The following A2M variants were observed in gnomAD, a reference collection of about 807,000 sequenced individuals.
The protein encoded by A2M is C3 and PZP-like alpha-2-macroglobulin domain-containing protein 5.
Under a neutral mutation model 183.9 loss-of-function variants are expected in A2M, and 128 were observed. The ratio of observed to expected loss-of-function variants is 0.70; its 90% CI spans 0.60 to 0.81. The LOEUF (loss-of-function observed/expected upper bound fraction) is 0.81, where lower values mean the gene tolerates loss of function less well. Ranked by LOEUF, A2M falls within the 30% of genes least tolerant of loss-of-function variation. The pLI is 0.00. For synonymous variants in A2M, 592 were observed against 670.8 expected, an observed-to-expected ratio of 0.88 and a Z score of 1.81; for missense variants, 1,495 against 1,787.6, an observed-to-expected ratio of 0.84 and a Z score of 2.95.
chr12:9,102,661 T>C lies in A2M; in HGVS notation c.1267-987A>G, dbSNP rs1040244853. 3.3e-5 allele frequency among the ~76,000 whole-genome samples: 5 copies of C among 152,214 alleles called. No individual in the cohort carries two copies. The East Asian group carries it at 9.6e-4, about 29-fold the overall frequency. ...CTCTACCTTCATCCCCAGCTCCCAATAGCACTAGTGAATCCTTGAGCAAAA... is the reference window on the plus strand; with the variant it reads ...CTCTACCTTCATCCCCAGCTCCCAACAGCACTAGTGAATCCTTGAGCAAAA... On this transcript the variant is annotated intron_variant, in intron 11 of 35. Coordinates refer to ENST00000318602, the MANE Select transcript of A2M (RefSeq NM_000014.6).
At chr12:9,076,134 T>C (rs1948742439) in intron 28 of A2M, among the ~76,000 whole-genome samples, 1 of 152,226 alleles carries the variant, frequency 6.6e-6, no homozygotes, top group Admixed American at 6.5e-5. Flanking sequence ...CCAGAATTCA[T>C]TCAAGGAGTT....
At chr12:9,088,621 T>G (rs1332938567) in intron 22 of A2M, among the ~76,000 whole-genome samples, 1 of 152,170 alleles carries the variant, frequency 6.6e-6, no homozygotes, top group Non-Finnish European at 1.5e-5. Context: ...AATGTTGGTT[T>G]GGGGTGAGAA....
rs1470677103 is a variant in A2M, at chr12:9,113,471, G to A, written c.159C>T (p.Tyr53=). 2.5e-6 allele frequency: 4 copies of A among 1,613,884 alleles called. No individual in the cohort carries two copies. The highest frequency in any genetic ancestry group is 2.2e-5 in the South Asian group (2 of 91,048). Residue 53 remains tyrosine, a synonymous_variant, in exon 2 of 36, where the codon TAC becomes TAT. Coordinates refer to ENST00000318602, the MANE Select transcript of A2M (RefSeq NM_000014.6). ...TTEKGCVLLS[Y]LNETVTVSAS... ...CACTTACAGTCACTGTCTCATTCAG[G>A]TAGCTCAGAAGGACACAGCCCTTCT...
At chr12:9,104,725 A>G (rs1938151422) in intron 10 of A2M, among the ~76,000 whole-genome samples, 1 of 152,222 alleles carries the variant, frequency 6.6e-6, no homozygotes, top group South Asian at 2.1e-4. Context: ...ATATTTTGGA[A>G]GTGCTGTGTA....
intron 17 of A2M, among the ~76,000 whole-genome samples, chr12:9,094,642 G>T (rs762336376): frequency 2.0e-5 from 3 of 151,948 alleles, no homozygotes; most frequent in Non-Finnish European, 4.4e-5. Context: ...AATGTGTGTG[G>T]TTCCAACATA....
intron 9 of A2M, 58 bp from the exon 10 acceptor site, chr12:9,106,403 AT>A: frequency 6.9e-7 from 1 of 1,455,382 alleles, no homozygotes; most frequent in Non-Finnish European, 9.6e-7. Context: ...CTAAAATTCT[AT>A]CACCTCCCCC....
At chr12:9,085,892 T>C (rs758247704) in intron 22 of A2M, among the ~76,000 whole-genome samples, 1 of 152,116 alleles carries the variant, frequency 6.6e-6, no homozygotes, top group Non-Finnish European at 1.5e-5. Context: ...TTGGATGATC[T>C]AGAAGAAATG....
intron 16 of A2M, 85 bp downstream of exon 16, chr12:9,095,454 T>C: frequency 7.5e-7 from 1 of 1,330,864 alleles, no homozygotes; most frequent in East Asian, 2.4e-5. Context: ...AACTAGGACA[T>C]GAAGGCATTC....
At chr12:9,074,808 A>G in intron 28 of A2M, 25 bp from the exon 29 acceptor site, 1 of 1,571,832 alleles carries the variant, frequency 6.4e-7, no homozygotes, top group South Asian at 1.2e-5. Context: ...AAAGATATTT[A>G]TAAGTGCCTA....
intron 13 of A2M, 48 bp downstream of exon 13, chr12:9,101,096 G>A: frequency 6.6e-7 from 1 of 1,520,898 alleles, no homozygotes; most frequent in South Asian, 1.2e-5. Context: ...GTGTAAGGCT[G>A]AATGGGTCAG....
chr12:9,112,074 C>T (rs1022729551), intron 4 of A2M, 85 bp downstream of exon 4: 2 of 1,280,732 alleles, frequency 1.6e-6, no homozygotes, highest in East Asian at 2.3e-5. Flanking sequence ...GATTCTTCCT[C>T]TCCCTGGTCT....
rs1380582373 is a variant in A2M at position 9,112,409 on chromosome 12, G to T, written c.398C>A (p.Thr133Lys). The change falls in exon 3 of 36, where the codon ACA (threonine) becomes AAA (lysine). Residue 133 changes from threonine (T) to lysine (K), a missense_variant. By Grantham distance (78) the Thr-to-Lys change is moderately conservative. Coordinates refer to ENST00000318602, the MANE Select transcript of A2M (RefSeq NM_000014.6). The stretch of plus-strand genomic sequence containing the variant: ...CCCTGGTTTGTAGATTGATTTGTCT[G>T]TCTGGACAAAGACCAGACTGTCCTC... ...KNEDSLVFVQ[T>K]DKSIYKPGQT... 6.2e-7 allele frequency: 1 copy of T among 1,613,726 alleles called. No individual in the cohort carries two copies. The highest frequency in any genetic ancestry group is 1.3e-5 in the African/African-American group (1 of 74,908).
chr12:9,105,979 AG>A (rs1276226440), intron 10 of A2M, among the ~76,000 whole-genome samples: 2 of 152,184 alleles, frequency 1.3e-5, no homozygotes, highest in Non-Finnish European at 2.9e-5. Flanking sequence ...TTTCAAAAGA[AG>A]GGGGGAAAAC....
chr12:9,070,535 C>T lies in A2M; in HGVS notation c.4147G>A (p.Val1383Met), dbSNP rs2137630040. The T allele has an allele frequency of 6.2e-7, 1 of 1,613,930 alleles. No homozygotes were observed. Among genetic ancestry groups the T allele is most frequent in the East Asian group, 2.2e-5 (1 of 44,876 alleles). Residue 1383 changes from valine (V) to methionine (M), a missense_variant, in exon 32 of 36, where the codon GTG (valine) becomes ATG (methionine). By Grantham distance (21) the Val-to-Met change is conservative. Transcript: ENST00000318602. The stretch of plus-strand genomic sequence containing the variant: ...GGAATGAAGCCAGAGACCATCTTCA[C>T]ATCAACGATCGCCATGTTGGAGGCA... ...RSASNMAIVD[V>M]KMVSGFIPLK...
At chr12:9,111,545 C>G in intron 4 of A2M, 1 of 456,276 alleles carries the variant, frequency 2.2e-6, no homozygotes, top group South Asian at 1.6e-5. Context: ...ACATGATTTT[C>G]CAGTGAAGTG....
At chr12:9,091,751 C>G (rs1270388899) in intron 18 of A2M, among the ~76,000 whole-genome samples, 1 of 152,172 alleles carries the variant, frequency 6.6e-6, no homozygotes, top group Admixed American at 6.5e-5. Flanking sequence ...TTAAATTCTA[C>G]TACTATTGTG....
intron 31 of A2M, among the ~76,000 whole-genome samples, chr12:9,071,027 T>A (rs1216698609): frequency 6.6e-6 from 1 of 151,810 alleles, no homozygotes; most frequent in Non-Finnish European, 1.5e-5. Context: ...TCCATGTTGG[T>A]CAGGCTGGTC....
chr12:9,078,110 C>T (rs7310884), intron 25 of A2M, among the ~76,000 whole-genome samples: 59,908 of 151,958 alleles, frequency 0.39, 12,880 homozygotes, highest in African/African-American at 0.55. Context: ...ATGTGCAGAA[C>T]GTGCAGGTTT....
chr12:9,072,261 C>A (rs2137644414), intron 31 of A2M, 98 bp downstream of exon 31: 2 of 1,405,024 alleles, frequency 1.4e-6, no homozygotes, highest in Middle Eastern at 2.2e-4. Flanking sequence ...GTGAATAGTG[C>A]AAATATCTAC....
Sources: allele counts gnomAD v4.1 joint callset (sites outside exome capture counted in the v4.1 genomes callset), GRCh38; gene constraint gnomAD v4.1.1; transcripts MANE v1.5; gene names NCBI Gene and HGNC (gene_info 2026-07-23, HGNC 2026-07-21).